Variants in SPMIP2 observed in about 807,000 individuals in gnomAD.
The protein encoded by SPMIP2 is protein SPMIP2.
chr4:159,031,944 G>A, the SPMIP2 span, among the ~76,000 whole-genome samples: 28,854 of 152,188 alleles, frequency 0.19, 2,867 homozygotes, highest in Admixed American at 0.25. Context: ...GATGGGGGCC[G>A]GTTGTGGTGG....
chr4:158,937,889 A>AG, the SPMIP2 span, among the ~76,000 whole-genome samples: 1 of 152,348 alleles, frequency 6.6e-6, no homozygotes, highest in Admixed American at 6.5e-5. Context: ...AAGGATAATC[A>AG]GTTGTTCATG....
At chr4:158,992,563 T>C in the SPMIP2 span, among the ~76,000 whole-genome samples, 1 of 87,096 alleles carries the variant, frequency 1.1e-5, no homozygotes, top group Non-Finnish European at 2.7e-5. Flanking sequence ...GCCAGCTGTC[T>C]TGGTTTGTGC....
chr4:158,896,205 G>A, the SPMIP2 span, among the ~76,000 whole-genome samples: 31 of 152,308 alleles, frequency 2.0e-4, no homozygotes, highest in Admixed American at 7.8e-4. Context: ...TGTGGGACAT[G>A]CAGCAGCAGC....
chr4:158,987,280 G>A, the SPMIP2 span, among the ~76,000 whole-genome samples: 1 of 152,010 alleles, frequency 6.6e-6, no homozygotes, highest in African/African-American at 2.4e-5. Context: ...TCCCATTACT[G>A]GGTATATACC....
chr4:159,033,896 G>T, the SPMIP2 span, among the ~76,000 whole-genome samples: 2 of 152,222 alleles, frequency 1.3e-5, no homozygotes, highest in Admixed American at 1.3e-4. Flanking sequence ...ACACAGGTGG[G>T]TGGATCACTT....
chr4:159,065,220 G>T, the SPMIP2 span, among the ~76,000 whole-genome samples: 1 of 152,186 alleles, frequency 6.6e-6, no homozygotes, highest in South Asian at 2.1e-4. Flanking sequence ...ACAATGAATA[G>T]AGACCAAATG....
At chr4:159,000,517 G>A in the SPMIP2 span, among the ~76,000 whole-genome samples, 1 of 138,680 alleles carries the variant, frequency 7.2e-6, no homozygotes, top group Non-Finnish European at 1.5e-5. Context: ...TTTTTTGAGA[G>A]GGAGTCTTGC....
the SPMIP2 span, among the ~76,000 whole-genome samples, chr4:158,991,569 T>C: frequency 6.6e-6 from 1 of 152,186 alleles, no homozygotes; most frequent in African/African-American, 2.4e-5. Context: ...AGCTTCCTAA[T>C]CACCATCACT....
chr4:158,907,419 A>G, the SPMIP2 span: 1 of 152,158 alleles, frequency 6.6e-6, no homozygotes. Context: ...ATTTTTCAAA[A>G]TTAACGTTTT....
the SPMIP2 span, among the ~76,000 whole-genome samples, chr4:159,078,331 A>G: frequency 2.0e-5 from 3 of 152,190 alleles, no homozygotes; most frequent in African/African-American, 7.2e-5. Context: ...TCCCCAAGCA[A>G]TTGGCAGGAA....
the SPMIP2 span, among the ~76,000 whole-genome samples, chr4:158,934,521 A>T: frequency 1.4e-4 from 21 of 152,288 alleles, no homozygotes; most frequent in South Asian, 3.3e-3. Context: ...GGGTTAAATG[A>T]GTTAATACTT....
At chr4:159,031,677 T>C in the SPMIP2 span, among the ~76,000 whole-genome samples, 23 of 152,232 alleles carry the variant, frequency 1.5e-4, no homozygotes, top group Non-Finnish European at 3.1e-4. Flanking sequence ...AATATGTTCA[T>C]ATTTTTTCAG....
chr4:159,018,775 A>G, the SPMIP2 span, among the ~76,000 whole-genome samples: 1 of 152,064 alleles, frequency 6.6e-6, no homozygotes, highest in Non-Finnish European at 1.5e-5. Flanking sequence ...GGTTTTGATA[A>G]AAGTCATCTT....
the SPMIP2 span, among the ~76,000 whole-genome samples, chr4:158,908,422 A>C: frequency 6.6e-6 from 1 of 152,214 alleles, no homozygotes; most frequent in East Asian, 1.9e-4. Flanking sequence ...TTTTTACATG[A>C]TTTTTGTATA....
chr4:158,921,674 G>A, the SPMIP2 span, among the ~76,000 whole-genome samples: 31 of 152,158 alleles, frequency 2.0e-4, no homozygotes, highest in South Asian at 1.0e-3. Context: ...CCCAGTCTCA[G>A]ATATATCTTT....
chr4:159,002,406 A>G, the SPMIP2 span, among the ~76,000 whole-genome samples: 3 of 152,188 alleles, frequency 2.0e-5, no homozygotes, highest in Non-Finnish European at 4.4e-5. Context: ...CATAGGTGTT[A>G]CACCTAAAAA....
At chr4:158,902,867 A>C in the SPMIP2 span, among the ~76,000 whole-genome samples, 9 of 152,080 alleles carry the variant, frequency 5.9e-5, no homozygotes, top group East Asian at 1.4e-3. Context: ...GGTCGACCTC[A>C]GACTGCTGTG....
At chr4:158,930,738 C>A in the SPMIP2 span, among the ~76,000 whole-genome samples, 1 of 152,166 alleles carries the variant, frequency 6.6e-6, no homozygotes, top group Non-Finnish European at 1.5e-5. Flanking sequence ...CAGGCCTGGC[C>A]TCAAGCAATC....
the SPMIP2 span, among the ~76,000 whole-genome samples, chr4:158,969,568 C>T: frequency 8.5e-5 from 13 of 152,176 alleles, no homozygotes; most frequent in East Asian, 3.9e-4. Context: ...TACTGACCTC[C>T]GCAACGTGGG....
Sources: gnomAD v4.1 joint callset for allele counts (sites outside exome capture counted in the v4.1 genomes callset) on GRCh38, gnomAD v4.1.1 for gene constraint, MANE v1.5 for transcripts, NCBI Gene and HGNC (gene_info 2026-07-23, HGNC 2026-07-21) for gene names.